RABGAP1: variants seen among roughly 807,000 people sequenced by gnomAD.
RABGAP1 encodes RAB GTPase activating protein 1.
Under a neutral mutation model 137.6 loss-of-function variants are expected in RABGAP1, and 23 were observed. The ratio of observed to expected loss-of-function variants is 0.17; its 90% CI spans 0.12 to 0.24. The LOEUF (loss-of-function observed/expected upper bound fraction) is 0.24. RABGAP1 is among the 10% of genes least tolerant of loss of function. RABGAP1 has a pLI of 1.00. For synonymous variants in RABGAP1, 451 were observed against 450.7 expected (o/e 1.00, Z -0.01); for missense variants, 906 against 1,275.8 (o/e 0.71, Z 4.42).
At chr9:123,019,760 G>C (rs997938153) in intron 12 of RABGAP1, among the ~76,000 whole-genome samples, 2 of 151,964 alleles carry the variant, frequency 1.3e-5, no homozygotes, top group Admixed American at 1.3e-4. Flanking sequence ...GTGCAATCTT[G>C]GCTTACTGCA....
chr9:123,062,752 C>T (rs1564170851), intron 13 of RABGAP1: 1 of 151,872 alleles, frequency 6.6e-6, no homozygotes, highest in Non-Finnish European at 1.5e-5. Flanking sequence ...TTTTTTACGT[C>T]CTGTGTACAG....
At chr9:123,101,829 A>T (rs1006963193) in intron 25 of RABGAP1, 66 bp downstream of exon 25, 6 of 1,446,064 alleles carry the variant, frequency 4.1e-6, no homozygotes, top group Non-Finnish European at 5.5e-6. Flanking sequence ...TAGAGACCCC[A>T]GAAATTATCT....
intron 13 of RABGAP1, chr9:123,035,638 CCGTGTGTGTGTG>C (rs764771088): frequency 4.9e-5 from 57 of 1,159,156 alleles, no homozygotes; most frequent in Non-Finnish European, 5.5e-5. Context: ...TACGGGGTTC[CCGTGTGTGTGTG>C]TGTGTGTGTG....
At chr9:123,047,352 A>G (rs549570969) in intron 13 of RABGAP1, among the ~76,000 whole-genome samples, 6 of 152,348 alleles carry the variant, frequency 3.9e-5, no homozygotes, top group Non-Finnish European at 2.9e-5. Context: ...TTGCTTAAAT[A>G]AAATGGAAGA....
chr9:123,076,137 C>T, intron 17 of RABGAP1, 108 bp from the exon 18 acceptor site: 7 of 1,182,656 alleles, frequency 5.9e-6, no homozygotes, highest in Admixed American at 2.5e-5. Flanking sequence ...AATGCATTTC[C>T]TTCCTTAAGT....
At chr9:123,035,470 G>A (rs1393889169) in intron 13 of RABGAP1, 1 of 1,613,868 alleles carries the variant, frequency 6.2e-7, no homozygotes, top group Non-Finnish European at 8.5e-7. Context: ...CTGCAACTGT[G>A]TAATTTATAG....
chr9:123,065,212 T>G (rs778289005), intron 13 of RABGAP1, 136 bp from the exon 14 acceptor site: 1 of 629,320 alleles, frequency 1.6e-6, no homozygotes, highest in African/African-American at 1.8e-5. Flanking sequence ...GAAGAGGCAG[T>G]AACTATGGGC....
chr9:122,963,872 C>T (rs1461439461), intron 2 of RABGAP1, among the ~76,000 whole-genome samples: 2 of 152,012 alleles, frequency 1.3e-5, no homozygotes, highest in Non-Finnish European at 2.9e-5. Context: ...ATTAGATTAA[C>T]CACAGAAAAA....
At chr9:122,971,503 A>G (rs997353243) in intron 2 of RABGAP1, among the ~76,000 whole-genome samples, 4 of 152,214 alleles carry the variant, frequency 2.6e-5, no homozygotes, top group African/African-American at 9.6e-5. Flanking sequence ...ACTGAATCCC[A>G]CTGGAACTTG....
Position 122,996,091 on chromosome 9 carries a change from T to C in RABGAP1, c.974T>C (p.Ile325Thr). The change falls in exon 7 of 26, where the codon ATT (isoleucine) becomes ACT (threonine). Residue 325 changes from isoleucine (I) to threonine (T), a missense_variant. This residue lies in a region of RABGAP1 where 17 missense variants were observed against 57.4 expected (regional missense o/e 0.30). Transcript: ENST00000373647. ...CAGTGCTTTAAACTACGCCAAGGAA[T>C]TGATAAGAAGATTGTCATCTATGTG... is the stretch of plus-strand genomic sequence containing the variant. ...DRQCFKLRQG[I>T]DKKIVIYVQQ... 6.2e-7 allele frequency: 1 copy of C among 1,613,648 alleles called. No homozygotes were observed. The highest frequency in any genetic ancestry group is 8.5e-7 in the Non-Finnish European group (1 of 1,179,886).
At position 123,070,492 on chromosome 9, in the gene RABGAP1, G is replaced by C. The variant is rs1357646205; in HGVS notation, c.1983+68G>C. The C allele has an allele frequency of 1.9e-6, 3 of 1,608,464 alleles. No homozygotes were observed. The highest frequency in any genetic ancestry group is 2.5e-6 in the Non-Finnish European group (3 of 1,177,722). ...CTCAGCTTATACTAACCTTAGGCTT[G>C]AGCATGGTTTTATATTGGGTTTGGA... On this transcript the variant is annotated intron_variant, in intron 15 of 25. Coordinates refer to ENST00000373647, the MANE Select transcript of RABGAP1 (RefSeq NM_012197.4). The surrounding 1 kb of genome is among the most constrained non-coding windows in gnomAD (Gnocchi z 4.4).
chr9:122,991,140 C>T (rs1836703851), intron 6 of RABGAP1, among the ~76,000 whole-genome samples: 1 of 151,788 alleles, frequency 6.6e-6, no homozygotes, highest in Non-Finnish European at 1.5e-5. Flanking sequence ...ATTATTGTTA[C>T]TATTAACAGT....
Position 123,028,055 on chromosome 9 carries a change from G to A in RABGAP1, c.1794+7596G>A, listed in dbSNP as rs373266412. Among the ~76,000 whole-genome samples the A allele has an allele frequency of 1.5e-4, 23 of 152,142 alleles. 1 individual carries two copies. The highest frequency in any genetic ancestry group is 5.1e-4 in the African/African-American group (21 of 41,430). On this transcript the variant is annotated intron_variant, in intron 13 of 25. Coordinates refer to ENST00000373647, the MANE Select transcript of RABGAP1 (RefSeq NM_012197.4). ...TAAAGGTTTCCTGAATTATAAGACT[G>A]GAAACATATTTGGTTTGTCCATGTT...
Position 123,029,675 on chromosome 9 carries a change from CG to C in RABGAP1, c.1794+9219del. The C allele has an allele frequency of 1.0e-5, 7 of 693,590 alleles. No homozygotes were observed. In the East Asian group the frequency reaches 2.3e-4, roughly 22 times the overall value. The allele number at this position is 693,590 out of a possible 1,614,324, so 43.0% of individuals were successfully genotyped here. ...CATTTCTTCTTTTTGGCCTTGCCCC[CG>C]GGTTTGTTCACTGGGTCTTTGTCTT... On this transcript the variant is annotated intron_variant, in intron 13 of 25. Coordinates refer to ENST00000373647, the MANE Select transcript of RABGAP1 (RefSeq NM_012197.4).
intron 10 of RABGAP1, among the ~76,000 whole-genome samples, chr9:123,004,782 C>T (rs1188268802): frequency 6.6e-6 from 1 of 152,014 alleles, no homozygotes; most frequent in African/African-American, 2.4e-5. Context: ...GTCAGCCAGG[C>T]ACGGTGGCTT....
At position 122,998,564 on chromosome 9, in the gene RABGAP1, T is replaced by G. The variant is rs367988680; in HGVS notation, c.1205-33T>G. On this transcript the variant is annotated intron_variant, in intron 9 of 25. Coordinates refer to ENST00000373647, the MANE Select transcript of RABGAP1 (RefSeq NM_012197.4). ...GAGCAAATATATTTGTGTTTCTGATTTACCTCTTCAGCCTCTCTCTTTCTT... is the reference window on the plus strand; with the variant it reads ...GAGCAAATATATTTGTGTTTCTGATGTACCTCTTCAGCCTCTCTCTTTCTT... 4.2e-6 allele frequency: 6 copies of G among 1,421,640 alleles called. No homozygotes were observed. The African/African-American group carries it at 8.6e-5, about 20-fold the overall frequency. 88.1% of individuals were successfully genotyped at this position (1,421,640 alleles called of 1,614,324 possible).
chr9:122,957,764 A>G (rs1010425858), intron 2 of RABGAP1, among the ~76,000 whole-genome samples: 2 of 152,172 alleles, frequency 1.3e-5, no homozygotes, highest in African/African-American at 2.4e-5. Context: ...TCCTGTTAAC[A>G]TCTTTTCTTG....
intron 6 of RABGAP1, among the ~76,000 whole-genome samples, chr9:122,992,197 G>A (rs553845197): frequency 4.5e-4 from 68 of 151,924 alleles, no homozygotes; most frequent in African/African-American, 1.5e-3. Context: ...CCACCATACC[G>A]GGCTAATTTT....
chr9:123,039,583 C>T (rs1467463225), intron 13 of RABGAP1, among the ~76,000 whole-genome samples: 1 of 152,252 alleles, frequency 6.6e-6, no homozygotes, highest in East Asian at 1.9e-4. Flanking sequence ...TAAATAATAT[C>T]TCTTTTTGGT....
Sources: gnomAD v4.1 joint callset for allele counts (sites outside exome capture counted in the v4.1 genomes callset) on GRCh38, gnomAD v4.1.1 for gene constraint, gnomAD v4.1.1 regional missense constraint, Gnocchi (gnomAD v3.1) non-coding constraint, MANE v1.5 for transcripts, NCBI Gene and HGNC (gene_info 2026-07-23, HGNC 2026-07-21) for gene names.